RSF1: variants seen among roughly 807,000 people sequenced by gnomAD.
RSF1 encodes the protein remodeling and spacing factor 1.
A neutral mutation model predicts 145.2 loss-of-function variants in RSF1; 13 were observed. The observed-to-expected ratio is 0.09, with a 90% CI of 0.06 to 0.14. RSF1 has a LOEUF of 0.14. RSF1 is among the 10% of genes least tolerant of loss of function. The pLI, the probability that RSF1 is intolerant of heterozygous loss-of-function variation, is 1.00. For synonymous variants in RSF1, 577 were observed against 592.6 expected, an observed-to-expected ratio of 0.97 and a Z score of 0.38; for missense variants, 1,517 against 1,718.2, an observed-to-expected ratio of 0.88 and a Z score of 2.07.
chr11:77,860,981 C>T, the RSF1 span, among the ~76,000 whole-genome samples: 22 of 152,068 alleles, frequency 1.4e-4, no homozygotes, highest in African/African-American at 5.3e-4. Flanking sequence ...TTTACTAGGC[C>T]GTGGGCTTTT....
the RSF1 span, chr11:77,842,696 A>G: frequency 1.9e-6 from 3 of 1,579,506 alleles, no homozygotes; most frequent in African/African-American, 2.7e-5. Flanking sequence ...CCTAAGCTGC[A>G]ATGACTAAGT....
At chr11:77,734,247 G>C (rs958020520) in intron 4 of RSF1, among the ~76,000 whole-genome samples, 1 of 151,078 alleles carries the variant, frequency 6.6e-6, no homozygotes, top group African/African-American at 2.4e-5. Flanking sequence ...TTATATATAA[G>C]TTAATTGCTT....
chr11:77,784,734 T>C (rs962783748), intron 1 of RSF1, among the ~76,000 whole-genome samples: 14 of 152,340 alleles, frequency 9.2e-5, no homozygotes, highest in East Asian at 3.9e-4. Flanking sequence ...AATGAATCAA[T>C]TGGGTTCTCC....
chr11:77,835,584 C>T, the RSF1 span, among the ~76,000 whole-genome samples: 2 of 152,094 alleles, frequency 1.3e-5, no homozygotes, highest in Non-Finnish European at 2.9e-5. Context: ...ATAATAAATT[C>T]TATAATTTTC....
chr11:77,783,809 T>A (rs11825372), intron 1 of RSF1, among the ~76,000 whole-genome samples: 346 of 152,196 alleles, frequency 2.3e-3, no homozygotes, highest in African/African-American at 7.9e-3. Context: ...TCCACTGCAC[T>A]CCAGCCTGGG....
Position 77,664,671 on chromosome 11 carries a change from G to C in RSF1, c.*2246C>G, listed in dbSNP as rs527964614. The C allele has an allele frequency of 2.6e-5, 4 of 152,192 alleles. No homozygotes were observed. The highest frequency in any genetic ancestry group is 9.7e-5 in the African/African-American group (4 of 41,436). The allele number at this position is 152,192 out of a possible 1,614,324, so 9.4% of individuals were successfully genotyped here. A position where few individuals can be genotyped will look rare whatever the true frequency, so the allele number is the denominator to read the frequency against. ...CAGGACTAAAACGGTAGTGAGACTG[G>C]GTGGCAGGAAAGGGCACTTGTATAT... On this transcript the variant is annotated 3_prime_UTR_variant, in exon 16 of 16. Coordinates refer to ENST00000308488, the MANE Select transcript of RSF1 (RefSeq NM_016578.4).
At chr11:77,704,789 G>C (rs958301957) in intron 5 of RSF1, among the ~76,000 whole-genome samples, 1 of 129,224 alleles carries the variant, frequency 7.7e-6, no homozygotes, top group Admixed American at 8.8e-5. Flanking sequence ...TTTCGCTCTT[G>C]TTGCCCAGGC....
chr11:77,833,927 A>G, the RSF1 span, among the ~76,000 whole-genome samples: 1 of 152,214 alleles, frequency 6.6e-6, no homozygotes, highest in Non-Finnish European at 1.5e-5. Flanking sequence ...TATACATGTT[A>G]GAAGCTCAAA....
chr11:77,729,895 C>CAAAAAAAAAAAAAAAAAAAAAAAAA lies in RSF1; in HGVS notation c.579-4221_579-4197dup, dbSNP rs398045289. 9.2e-4 allele frequency among the ~76,000 whole-genome samples: 45 copies of CAAAAAAAAAAAAAAAAAAAAAAAAA among 48,934 alleles called. 7 individuals are homozygous for CAAAAAAAAAAAAAAAAAAAAAAAAA. Among genetic ancestry groups the CAAAAAAAAAAAAAAAAAAAAAAAAA allele is most frequent in the East Asian group, 2.3e-3 (3 of 1,324 alleles). 32.1% of individuals were successfully genotyped at this position (48,934 alleles called of 152,430 possible). On this transcript the variant is annotated intron_variant, in intron 4 of 15. Transcript: ENST00000308488. ...TATAAATGCCAAATTATTCAGTAGG[C>CAAAAAAAAAAAAAAAAAAAAAAAAA]AAAAAAAAAAAAAAAAAAAAAAAAA...
At chr11:77,814,451 G>C (rs933112039) in intron 1 of RSF1, among the ~76,000 whole-genome samples, 1 of 151,894 alleles carries the variant, frequency 6.6e-6, no homozygotes, top group Admixed American at 6.6e-5. Flanking sequence ...CCTAACTCTG[G>C]GGGGGAAAAA....
At chr11:77,771,849 G>C (rs547620035) in intron 1 of RSF1, among the ~76,000 whole-genome samples, 2 of 152,294 alleles carry the variant, frequency 1.3e-5, no homozygotes, top group East Asian at 3.9e-4. Context: ...TATTTAGGAA[G>C]ACATCGCAAT....
upstream of RSF1, among the ~76,000 whole-genome samples, chr11:77,823,619 CTCA>C (rs1590914749): frequency 1.8e-5 from 1 of 56,646 alleles, no homozygotes; most frequent in African/African-American, 7.8e-5. Flanking sequence ...TACACCCTGT[CTCA>C]AAAAAAAAAA....
chr11:77,760,828 CT>C (rs1380026176), intron 2 of RSF1, among the ~76,000 whole-genome samples: 1 of 152,114 alleles, frequency 6.6e-6, no homozygotes, highest in Non-Finnish European at 1.5e-5. Flanking sequence ...ATACTAGGTA[CT>C]TTACTTTCAG....
intron 2 of RSF1, among the ~76,000 whole-genome samples, chr11:77,751,420 A>G (rs2135923990): frequency 6.6e-6 from 1 of 152,132 alleles, no homozygotes; most frequent in South Asian, 2.1e-4. Context: ...CCAACATCTG[A>G]AGACAGGTCG....
chr11:77,732,517 G>T (rs372241886), intron 4 of RSF1, among the ~76,000 whole-genome samples: 21 of 152,248 alleles, frequency 1.4e-4, no homozygotes, highest in African/African-American at 4.8e-4. Flanking sequence ...GTTTGGCTCT[G>T]TCCCCACCCA....
intron 1 of RSF1, among the ~76,000 whole-genome samples, chr11:77,807,967 C>T (rs1471647114): frequency 2.0e-5 from 3 of 152,078 alleles, no homozygotes; most frequent in Non-Finnish European, 4.4e-5. Context: ...GTACAGGAGA[C>T]GAAGTCTAAT....
At chr11:77,786,847 A>C (rs1219632135) in intron 1 of RSF1, among the ~76,000 whole-genome samples, 2 of 152,218 alleles carry the variant, frequency 1.3e-5, no homozygotes, top group African/African-American at 4.8e-5. Flanking sequence ...GACACTCAAG[A>C]CATTATACGA....
chr11:77,846,481 C>T, the RSF1 span, among the ~76,000 whole-genome samples: 10 of 152,114 alleles, frequency 6.6e-5, no homozygotes, highest in East Asian at 3.9e-4. Flanking sequence ...CTGAGGCAGG[C>T]GGATCACCTG....
intron 8 of RSF1, 41 bp downstream of exon 8, chr11:77,693,466 A>G: frequency 7.9e-7 from 1 of 1,266,518 alleles, no homozygotes; most frequent in East Asian, 2.3e-5. Context: ...TAATTTGAAT[A>G]CAAACTCAAA....
Sources: gnomAD v4.1 joint callset for allele counts (sites outside exome capture counted in the v4.1 genomes callset) on GRCh38, gnomAD v4.1.1 for gene constraint, MANE v1.5 for transcripts, NCBI Gene and HGNC (gene_info 2026-07-23, HGNC 2026-07-21) for gene names.